Variants in FRAS1 observed in about 807,000 individuals in gnomAD.
FRAS1 encodes the protein extracellular matrix organizing protein FRAS1.
A neutral mutation model predicts 435.2 loss-of-function variants in FRAS1; 290 were observed. The ratio of observed to expected loss-of-function variants is 0.67; its 90% CI spans 0.61 to 0.73. The LOEUF (loss-of-function observed/expected upper bound fraction) is 0.73, where lower values mean the gene tolerates loss of function less well. FRAS1 is among the 30% of genes least tolerant of loss of function. FRAS1 has a pLI of 0.00. For synonymous variants in FRAS1, 1,800 were observed against 1,851.0 expected (o/e 0.97, Z 0.71); for missense variants, 4,860 against 5,001.5 (o/e 0.97, Z 0.85).
At chr4:78,467,999 G>T (rs956881548) in intron 50 of FRAS1, among the ~76,000 whole-genome samples, 1 of 152,132 alleles carries the variant, frequency 6.6e-6, no homozygotes, top group Non-Finnish European at 1.5e-5. Context: ...GTAGATGGCA[G>T]ATATTTTCAC....
chr4:78,386,623 A>T (rs1342510378), intron 28 of FRAS1, among the ~76,000 whole-genome samples: 1 of 152,326 alleles, frequency 6.6e-6, no homozygotes, highest in East Asian at 1.9e-4. Context: ...ATATTTTTTT[A>T]AAAACTGAAA....
chr4:78,292,159 T>G (rs1727930269), intron 14 of FRAS1, among the ~76,000 whole-genome samples: 1 of 152,190 alleles, frequency 6.6e-6, no homozygotes, highest in Admixed American at 6.5e-5. Context: ...CCAAATAGCT[T>G]TCATTAAGTA....
At chr4:78,396,930 T>A (rs558416698) in intron 29 of FRAS1, among the ~76,000 whole-genome samples, 1 of 152,232 alleles carries the variant, frequency 6.6e-6, no homozygotes, top group Non-Finnish European at 1.5e-5. Context: ...TTCTTGAGTT[T>A]GTTTAGTCAT....
rs544580672 is a variant in FRAS1, at chr4:78,243,490, G to A, written c.217-1743G>A. Among the ~76,000 whole-genome samples the A allele has an allele frequency of 1.8e-4, 27 of 152,040 alleles. No individual in the cohort carries two copies. The South Asian group carries it at 5.4e-3, about 30-fold the overall frequency. On this transcript the variant is annotated intron_variant, in intron 3 of 73. Coordinates refer to ENST00000512123, the MANE Select transcript of FRAS1 (RefSeq NM_025074.7). ...GCCCACAGCTCACCAAGCCATTCAG[G>A]GTTACATGGTTAGGTGGCAGGAACT...
rs557214616 is a variant in FRAS1, at chr4:78,315,700, C to T, written c.1785C>T (p.Gly595=). 10 of 1,613,926 alleles carry T rather than the reference C, an allele frequency of 6.2e-6. No homozygotes were observed. The highest frequency in any genetic ancestry group is 3.3e-5 in the South Asian group (3 of 91,082). The change falls in exon 16 of 74, where the codon GGC becomes GGT. Residue 595 remains glycine (G), a synonymous_variant. Coordinates refer to ENST00000512123, the MANE Select transcript of FRAS1 (RefSeq NM_025074.7). The part of the protein sequence containing the change: ...HDGKCMSECP[G]GYYADATGRC... Reference sequence around the variant, plus strand: ...GGAAATGCATGTCTGAATGCCCTGGCGGGTACTATGCTGATGCCACTGGCA... The same window carrying T: ...GGAAATGCATGTCTGAATGCCCTGGTGGGTACTATGCTGATGCCACTGGCA...
chr4:78,105,772 G>T (rs575514456), intron 2 of FRAS1, among the ~76,000 whole-genome samples: 1 of 151,800 alleles, frequency 6.6e-6, no homozygotes, highest in Admixed American at 6.6e-5. Flanking sequence ...GAACAGCTCC[G>T]GTCTACAGCT....
At position 78,193,064 on chromosome 4, in the gene FRAS1, T is replaced by G. The variant is rs115093977; in HGVS notation, c.109-44446T>G. Among the ~76,000 whole-genome samples, 610 of 152,342 alleles carry G rather than the reference T, an allele frequency of 4.0e-3. 6 individuals carry two copies. Among genetic ancestry groups the G allele is most frequent in the African/African-American group, 0.014 (594 of 41,592 alleles). On this transcript the variant is annotated intron_variant, in intron 2 of 73. Transcript: ENST00000512123. ...TCATTCAGGAGCAGGTTATTTATTT[T>G]CCATGTAGTTGAGCGGTTTTGAGTG...
chr4:78,135,136 T>A (rs1027395119), intron 2 of FRAS1, among the ~76,000 whole-genome samples: 1 of 152,182 alleles, frequency 6.6e-6, no homozygotes, highest in Non-Finnish European at 1.5e-5. Flanking sequence ...AACTTCCCCC[T>A]GCACTTGCAA....
intron 2 of FRAS1, among the ~76,000 whole-genome samples, chr4:78,122,763 C>A (rs573808028): frequency 1.3e-5 from 2 of 152,306 alleles, no homozygotes; most frequent in African/African-American, 4.8e-5. Context: ...CTGTTGGCTG[C>A]ATAAATATCT....
intron 14 of FRAS1, among the ~76,000 whole-genome samples, chr4:78,303,208 T>C (rs902967323): frequency 1.3e-5 from 2 of 152,170 alleles, no homozygotes; most frequent in Non-Finnish European, 1.5e-5. Flanking sequence ...TTCTGTTCCA[T>C]TGATCTATAT....
intron 14 of FRAS1, among the ~76,000 whole-genome samples, chr4:78,302,911 T>A (rs1158048344): frequency 6.6e-6 from 1 of 152,208 alleles, no homozygotes; most frequent in East Asian, 1.9e-4. Flanking sequence ...CTTTTGGTGT[T>A]TTAGACATGA....
At chr4:78,195,962 T>TA (rs1578179357) in intron 2 of FRAS1, among the ~76,000 whole-genome samples, 2 of 140,314 alleles carry the variant, frequency 1.4e-5, no homozygotes, top group African/African-American at 5.1e-5. Flanking sequence ...TTTTTTTTTT[T>TA]ACTTTTTTTT....
Position 78,412,999 on chromosome 4 carries a change from C to T in FRAS1, c.4339C>T (p.Leu1447=), listed in dbSNP as rs779095746. 2.9e-5 allele frequency: 46 copies of T among 1,608,682 alleles called. No homozygotes were observed. The highest frequency in any genetic ancestry group is 1.6e-4 in the Middle Eastern group (1 of 6,072). Reference sequence around the variant, plus strand: ...CAGTGCCTCCAATGCCCAGACCCGCCTGGAGAGCCACATGTTCAACATCGC... The same window carrying T: ...CAGTGCCTCCAATGCCCAGACCCGCTTGGAGAGCCACATGTTCAACATCGC... ...VSSASNAQTR[L]ESHMFNIAIL... The change falls in exon 32 of 74, where the codon CTG becomes TTG. Residue 1447 remains leucine, a synonymous_variant. Coordinates refer to ENST00000512123, the MANE Select transcript of FRAS1 (RefSeq NM_025074.7).
rs148474605 is a variant in FRAS1 at position 78,444,277 on chromosome 4, G to A, written c.5666-1245G>A. On this transcript the variant is annotated intron_variant, in intron 41 of 73. Transcript: ENST00000512123. ...CCGTTCCTTCTGGAAACCCTGAACT[G>A]TATAGCCTAATGATTATTGGGTCAC... The A allele has an allele frequency of 6.1e-3, 2,323 of 380,128 alleles. 11 individuals are homozygous for A. The highest frequency in any genetic ancestry group is 9.8e-3 in the Non-Finnish European group (1,891 of 192,386). The allele number at this position is 380,128 out of a possible 1,614,324, so 23.5% of individuals were successfully genotyped here. A position where few individuals can be genotyped will look rare whatever the true frequency, so the allele number is the denominator to read the frequency against.
At chr4:78,207,301 G>A (rs1017069174) in intron 2 of FRAS1, among the ~76,000 whole-genome samples, 2 of 152,178 alleles carry the variant, frequency 1.3e-5, no homozygotes, top group African/African-American at 4.8e-5. Context: ...GCTTGCCAAA[G>A]TGATTATAAT....
At chr4:78,192,998 A>G (rs975747345) in intron 2 of FRAS1, among the ~76,000 whole-genome samples, 1 of 152,212 alleles carries the variant, frequency 6.6e-6, no homozygotes, top group Non-Finnish European at 1.5e-5. Context: ...GTTTCAAAGA[A>G]CATCTTTATT....
chr4:78,306,864 T>G (rs1728746016), intron 14 of FRAS1, among the ~76,000 whole-genome samples: 1 of 152,236 alleles, frequency 6.6e-6, no homozygotes, highest in Admixed American at 6.5e-5. Flanking sequence ...TTCTTTCAGC[T>G]CGTCAAAGTC....
At chr4:78,202,496 G>T (rs1339271442) in intron 2 of FRAS1, among the ~76,000 whole-genome samples, 2 of 152,172 alleles carry the variant, frequency 1.3e-5, no homozygotes, top group Non-Finnish European at 2.9e-5. Context: ...TTCGAGACCA[G>T]CCTGAGCAAC....
rs1234021206 is a variant in FRAS1 at position 78,451,870 on chromosome 4, T to C, written c.6562T>C (p.Ser2188Pro). 2.5e-6 allele frequency: 4 copies of C among 1,612,536 alleles called. No homozygotes were observed. In the South Asian group the frequency reaches 3.3e-5, roughly 13 times the overall value. Residue 2188 changes from serine (S) to proline (P), a missense_variant, in exon 46 of 74, where the codon TCA (serine) becomes CCA (proline). Ser to Pro is a moderately conservative substitution (Grantham distance 74). Transcript: ENST00000512123. ...DGEGNRLIDK[S>P]FSISILEDKS... The stretch of plus-strand genomic sequence containing the variant: ...AGAAGGCAACAGATTGATTGACAAG[T>C]CATTTTCCATCAGCATTCTAGGTAA...
Sources: allele counts gnomAD v4.1 joint callset (sites outside exome capture counted in the v4.1 genomes callset), GRCh38; gene constraint gnomAD v4.1.1; transcripts MANE v1.5; gene names NCBI Gene and HGNC (gene_info 2026-07-23, HGNC 2026-07-21).